The following HNF4G variants were observed in gnomAD, a reference collection of about 807,000 sequenced individuals.
HNF4G encodes the protein hepatocyte nuclear factor 4-gamma.
HNF4G carries 21 observed loss-of-function variants against 50.9 expected under a neutral mutation model. The ratio of observed to expected loss-of-function variants is 0.41; its 90% CI spans 0.29 to 0.59. HNF4G has a LOEUF of 0.59. Among genes scored for constraint, HNF4G ranks in the 20% least tolerant of loss-of-function variants. The pLI is 0.26. For synonymous variants in HNF4G, 198 were observed against 185.6 expected (o/e 1.07, Z -0.54); for missense variants, 527 against 559.4 (o/e 0.94, Z 0.58).
In HNF4G at chr8:75,543,715, A is replaced by G. The variant is rs1338139559; in HGVS notation, c.119-96A>G. 8 of 1,033,620 alleles carry G rather than the reference A, an allele frequency of 7.7e-6. No individual in the cohort carries two copies. The East Asian group carries it at 1.1e-4, about 14-fold the overall frequency. The allele number at this position is 1,033,620 out of a possible 1,614,324, so 64.0% of individuals were successfully genotyped here. A position where few individuals can be genotyped will look rare whatever the true frequency, so the allele number is the denominator to read the frequency against. On this transcript the variant is annotated intron_variant, in intron 1 of 9. Coordinates refer to ENST00000396423, the MANE Select transcript of HNF4G (RefSeq NM_004133.5). ...CCAGTGTGGGGTCTCCAAGAAGCCA[A>G]TGAATGGAGTGTTATGAGCCTATAA...
At chr8:75,475,113 G>A (rs1403508790) in intron 1 of HNF4G, among the ~76,000 whole-genome samples, 3 of 151,320 alleles carry the variant, frequency 2.0e-5, no homozygotes, top group Non-Finnish European at 2.9e-5. Flanking sequence ...GGGTTCAAGC[G>A]ATTCTCCTGC....
At chr8:75,516,372 C>A (rs1805889341) in intron 2 of HNF4G, among the ~76,000 whole-genome samples, 1 of 151,984 alleles carries the variant, frequency 6.6e-6, no homozygotes, top group South Asian at 2.1e-4. Context: ...CATAAGAGGA[C>A]TTTTTCCAGG....
chr8:75,530,005 G>T (rs1806287505), intron 2 of HNF4G, among the ~76,000 whole-genome samples: 1 of 152,138 alleles, frequency 6.6e-6, no homozygotes, highest in Admixed American at 6.5e-5. Flanking sequence ...GAGTGCGTGT[G>T]CAGAGGCTAC....
chr8:75,453,943 C>T (rs1257667157), intron 1 of HNF4G, among the ~76,000 whole-genome samples: 3 of 151,834 alleles, frequency 2.0e-5, no homozygotes, highest in South Asian at 4.2e-4. Context: ...GAGATGGGGC[C>T]TTTGGGAGGT....
chr8:75,557,382 G>A (rs1807160169), intron 6 of HNF4G, among the ~76,000 whole-genome samples: 1 of 152,196 alleles, frequency 6.6e-6, no homozygotes, highest in Non-Finnish European at 1.5e-5. Flanking sequence ...CACTTTGGGA[G>A]ACAGAGGCAG....
At position 75,558,666 on chromosome 8, in the gene HNF4G, T is replaced by A. The variant is rs1435745065; in HGVS notation, c.882T>A (p.Asp294Glu). The change falls in exon 7 of 10, where the codon GAT becomes GAA. Residue 294 changes from aspartate to glutamate, a missense_variant. Asp to Glu is a conservative substitution (Grantham distance 45, BLOSUM62 2). Around this residue, in one of 5 missense-constraint regions of HNF4G, gnomAD observed 308 missense variants for 301.5 expected, o/e 1.02. Transcript: ENST00000396423. The part of the protein sequence containing the change: ...YACLKAIVFF[D>E]PDAKGLSDPV... ...GTTTAAAGGCAATTGTATTTTTTGA[T>A]CCAGGTTGGTTTTCAAAATTCCACT... 5 of 1,610,496 alleles carry A rather than the reference T, an allele frequency of 3.1e-6. No homozygotes were observed. Among genetic ancestry groups the A allele is most frequent in the Non-Finnish European group, 4.2e-6 (5 of 1,178,930 alleles).
At chr8:75,490,813 A>T (rs1812611656) in intron 2 of HNF4G, among the ~76,000 whole-genome samples, 1 of 152,210 alleles carries the variant, frequency 6.6e-6, no homozygotes, top group African/African-American at 2.4e-5. Flanking sequence ...GCAGATTGCG[A>T]TTGTTCACTT....
chr8:75,456,576 G>A (rs1465880629), intron 1 of HNF4G, among the ~76,000 whole-genome samples: 2 of 151,946 alleles, frequency 1.3e-5, no homozygotes, highest in Admixed American at 1.3e-4. Context: ...AGAACATAAA[G>A]CATTGACTCA....
intron 1 of HNF4G, among the ~76,000 whole-genome samples, chr8:75,474,913 G>T (rs1426487014): frequency 6.6e-6 from 1 of 152,032 alleles, no homozygotes; most frequent in Non-Finnish European, 1.5e-5. Context: ...GGCCAGGATG[G>T]TCTTGATCTC....
intron 1 of HNF4G, among the ~76,000 whole-genome samples, chr8:75,440,658 G>T (rs975427295): frequency 6.6e-6 from 1 of 151,860 alleles, no homozygotes; most frequent in Non-Finnish European, 1.5e-5. Flanking sequence ...AAGGAAAAAA[G>T]GTGAAGCTTA....
chr8:75,429,799 T>C (rs946889651), intron 1 of HNF4G, among the ~76,000 whole-genome samples: 2 of 152,178 alleles, frequency 1.3e-5, no homozygotes, highest in African/African-American at 2.4e-5. Flanking sequence ...CCCATAGTTA[T>C]CCTTTCCTTG....
Position 75,409,425 on chromosome 8 carries a change from T to TA in HNF4G, c.-144+1272dup, listed in dbSNP as rs71567108. On this transcript the variant is annotated intron_variant, in intron 1 of 10. Transcript: ENST00000354370. ...AATTTATTTTAGGGATTGCTAAGATTAAAAAAAAATACTCCTCATGCAAAT... is the reference window on the plus strand; with the variant it reads ...AATTTATTTTAGGGATTGCTAAGATTAAAAAAAAAATACTCCTCATGCAAAT... 1.5e-3 allele frequency among the ~76,000 whole-genome samples: 224 copies of TA among 147,622 alleles called. 1 individual carries two copies. The highest frequency in any genetic ancestry group is 5.0e-3 in the African/African-American group (200 of 40,208).
At chr8:75,447,674 A>G (rs1260542806) in intron 1 of HNF4G, among the ~76,000 whole-genome samples, 1 of 152,130 alleles carries the variant, frequency 6.6e-6, no homozygotes, top group African/African-American at 2.4e-5. Flanking sequence ...CAAAAAACAC[A>G]TGAAAAAATG....
chr8:75,530,000 C>T (rs935932172), intron 2 of HNF4G, among the ~76,000 whole-genome samples: 2 of 152,072 alleles, frequency 1.3e-5, no homozygotes, highest in African/African-American at 2.4e-5. Context: ...GAACAGAGTG[C>T]GTGTGCAGAG....
chr8:75,559,343 G>A (rs763739895), intron 8 of HNF4G, among the ~76,000 whole-genome samples: 1 of 150,824 alleles, frequency 6.6e-6, no homozygotes, highest in Non-Finnish European at 1.5e-5. Context: ...GCACAATCTC[G>A]GCTCACTGCA....
At chr8:75,488,766 T>C (rs905142327) in intron 1 of HNF4G, among the ~76,000 whole-genome samples, 13 of 152,214 alleles carry the variant, frequency 8.5e-5, no homozygotes, top group Non-Finnish European at 1.3e-4. Flanking sequence ...ATAGCCTTTC[T>C]CATTCTATTT....
At chr8:75,554,942 A>T (rs1807069501) in intron 5 of HNF4G, among the ~76,000 whole-genome samples, 1 of 152,232 alleles carries the variant, frequency 6.6e-6, no homozygotes, top group South Asian at 2.1e-4. Context: ...CTCCAGATAC[A>T]GGAACAGCAT....
At chr8:75,541,686 T>C (rs1806627229) in intron 1 of HNF4G, among the ~76,000 whole-genome samples, 1 of 152,100 alleles carries the variant, frequency 6.6e-6, no homozygotes, top group African/African-American at 2.4e-5. Context: ...ATAATGAAGT[T>C]TTATTACATA....
At chr8:75,510,405 G>T (rs1007185672) in intron 2 of HNF4G, among the ~76,000 whole-genome samples, 1 of 152,134 alleles carries the variant, frequency 6.6e-6, no homozygotes, top group Non-Finnish European at 1.5e-5. Context: ...CATAAAGTCT[G>T]CAATAGTGTA....
Sources: gnomAD v4.1 joint callset for allele counts (sites outside exome capture counted in the v4.1 genomes callset) on GRCh38, gnomAD v4.1.1 for gene constraint, gnomAD v4.1.1 regional missense constraint, MANE v1.5 for transcripts, NCBI Gene and HGNC (gene_info 2026-07-23, HGNC 2026-07-21) for gene names.